CSMD1: variants seen among roughly 807,000 people sequenced by gnomAD.
CSMD1 encodes CUB and sushi domain-containing protein 1.
CSMD1 carries 213 observed loss-of-function variants against 417.5 expected under a neutral mutation model. That is an observed-to-expected ratio of 0.51 (90% confidence interval 0.46 to 0.57). The LOEUF is 0.57. CSMD1 is among the 20% of genes least tolerant of loss of function. The pLI is 0.00. For missense variants in CSMD1, 6,923 were observed against 4,529.7 expected (o/e 1.53, Z -15.17); for synonymous variants, 2,862 against 1,736.8 (o/e 1.65, Z -16.11).
Position 3,795,947 on chromosome 8 carries a change from C to A in CSMD1, c.819-41905G>T, listed in dbSNP as rs1177229428. Among the ~76,000 whole-genome samples, 19 of 41,776 alleles carry A rather than the reference C, an allele frequency of 4.5e-4. 3 individuals carry two copies. The highest frequency in any genetic ancestry group is 1.7e-3 in the African/African-American group (15 of 8,926). 27.4% of individuals were successfully genotyped at this position (41,776 alleles called of 152,430 possible). Reference sequence around the variant, plus strand: ...ATCTATCATGTACAGATATAGATATCTATCATGTACAGATATAGATATCTA... The same window carrying A: ...ATCTATCATGTACAGATATAGATATATATCATGTACAGATATAGATATCTA... On this transcript the variant is annotated intron_variant, in intron 5 of 69. Coordinates refer to ENST00000635120, the MANE Select transcript of CSMD1 (RefSeq NM_033225.6).
At chr8:3,766,695 T>C (rs765783715) in intron 5 of CSMD1, among the ~76,000 whole-genome samples, 2 of 152,052 alleles carry the variant, frequency 1.3e-5, no homozygotes, top group Admixed American at 6.5e-5. Context: ...ATGGTAACAA[T>C]TTATTTTGGG....
intron 3 of CSMD1, among the ~76,000 whole-genome samples, chr8:4,033,144 A>AAAG (rs1797438657): frequency 1.3e-5 from 2 of 150,524 alleles, no homozygotes; most frequent in African/African-American, 4.9e-5. Context: ...AAAAAAAAAA[A>AAAG]AAAAAAAAAA....
chr8:3,242,766 G>A (rs76763882), intron 26 of CSMD1, among the ~76,000 whole-genome samples: 4 of 151,694 alleles, frequency 2.6e-5, no homozygotes, highest in South Asian at 2.1e-4. Flanking sequence ...GAAGGGGTTC[G>A]GGGTTTCTTA....
At chr8:4,483,152 T>A (rs771415623) in intron 2 of CSMD1, among the ~76,000 whole-genome samples, 2 of 152,130 alleles carry the variant, frequency 1.3e-5, no homozygotes, top group African/African-American at 4.8e-5. Flanking sequence ...TGAGATCCGA[T>A]GGTTTGATAA....
At chr8:3,992,393 C>G (rs1378385611) in intron 5 of CSMD1, among the ~76,000 whole-genome samples, 1 of 152,098 alleles carries the variant, frequency 6.6e-6, no homozygotes, top group Non-Finnish European at 1.5e-5. Flanking sequence ...TTAAATCAAT[C>G]TAATCAGTGA....
chr8:3,787,285 T>A (rs570840096), intron 5 of CSMD1, among the ~76,000 whole-genome samples: 8 of 152,212 alleles, frequency 5.3e-5, no homozygotes, highest in African/African-American at 1.9e-4. Context: ...CCATAATCAA[T>A]TTTAGAAAAT....
chr8:4,224,923 C>G lies in CSMD1; in HGVS notation c.416-192824G>C, dbSNP rs528258467. On this transcript the variant is annotated intron_variant, in intron 3 of 69. Transcript: ENST00000635120. The stretch of plus-strand genomic sequence containing the variant: ...TCAGGAGTCCAAAGGCCAGCCTTCC[C>G]AATATTGTGAAACCCCATCACTAAT... 1.3e-3 allele frequency among the ~76,000 whole-genome samples: 201 copies of G among 152,044 alleles called. 2 individuals carry two copies. The highest frequency in any genetic ancestry group is 4.6e-3 in the African/African-American group (192 of 41,462).
At chr8:4,446,538 C>A (rs191181895) in intron 2 of CSMD1, among the ~76,000 whole-genome samples, 7 of 152,084 alleles carry the variant, frequency 4.6e-5, no homozygotes, top group Admixed American at 3.3e-4. Flanking sequence ...CAGAATGAGA[C>A]CCCGGTTCTG....
At chr8:4,027,730 T>C (rs1011953116) in intron 4 of CSMD1, among the ~76,000 whole-genome samples, 5 of 152,112 alleles carry the variant, frequency 3.3e-5, no homozygotes, top group Admixed American at 2.6e-4. Flanking sequence ...TTGAACAAAC[T>C]TGAAGCCAGT....
intron 10 of CSMD1, among the ~76,000 whole-genome samples, chr8:3,502,931 C>G (rs1796668008): frequency 6.6e-6 from 1 of 152,098 alleles, no homozygotes; most frequent in Non-Finnish European, 1.5e-5. Context: ...ATGTAACAAA[C>G]ACACCATGCT....
chr8:4,889,485 C>T (rs1180426717), intron 1 of CSMD1, among the ~76,000 whole-genome samples: 1 of 151,922 alleles, frequency 6.6e-6, no homozygotes, highest in East Asian at 1.9e-4. Context: ...ACATTATTTT[C>T]CTTGCTTATA....
chr8:3,615,439 C>T (rs1325950102), intron 8 of CSMD1, among the ~76,000 whole-genome samples: 13 of 152,166 alleles, frequency 8.5e-5, no homozygotes, highest in Admixed American at 8.5e-4. Context: ...AATTTCATCT[C>T]AAGCTCTGCC....
chr8:4,744,238 C>G (rs1299204303), intron 1 of CSMD1, among the ~76,000 whole-genome samples: 1 of 152,194 alleles, frequency 6.6e-6, no homozygotes, highest in Non-Finnish European at 1.5e-5. Flanking sequence ...AGGCAAGTCC[C>G]CACTTGGAAA....
intron 1 of CSMD1, among the ~76,000 whole-genome samples, chr8:4,954,367 A>G (rs930364588): frequency 6.6e-6 from 1 of 152,124 alleles, no homozygotes. Context: ...CTAAAGACAC[A>G]TTTTTTGTGT....
intron 8 of CSMD1, among the ~76,000 whole-genome samples, chr8:3,603,327 T>C (rs891727202): frequency 6.6e-6 from 1 of 152,084 alleles, no homozygotes; most frequent in South Asian, 2.1e-4. Context: ...TTCCTTAAAA[T>C]TTTTTTTAAG....
At chr8:4,771,073 T>C (rs1563342413) in intron 1 of CSMD1, among the ~76,000 whole-genome samples, 2 of 152,236 alleles carry the variant, frequency 1.3e-5, no homozygotes, top group Admixed American at 6.5e-5. Flanking sequence ...AAGGAGTTAA[T>C]ATTCAAGATT....
At chr8:4,060,663 T>C (rs552861291) in intron 3 of CSMD1, among the ~76,000 whole-genome samples, 10 of 152,254 alleles carry the variant, frequency 6.6e-5, no homozygotes, top group Admixed American at 2.0e-4. Context: ...AAGCGGCACC[T>C]GGCATGAACA....
intron 5 of CSMD1, among the ~76,000 whole-genome samples, chr8:3,767,445 C>G (rs1798339712): frequency 6.6e-6 from 1 of 152,220 alleles, no homozygotes; most frequent in Admixed American, 6.5e-5. Context: ...ATATGTGCTA[C>G]TGCAGACTGC....
At chr8:4,907,428 A>T (rs1805363004) in intron 1 of CSMD1, among the ~76,000 whole-genome samples, 2 of 152,252 alleles carry the variant, frequency 1.3e-5, no homozygotes, top group South Asian at 4.1e-4. Flanking sequence ...CATTGGGCAA[A>T]ATACATAAAT....
Sources: allele counts gnomAD v4.1 joint callset (sites outside exome capture counted in the v4.1 genomes callset), GRCh38; gene constraint gnomAD v4.1.1; transcripts MANE v1.5; gene names NCBI Gene and HGNC (gene_info 2026-07-23, HGNC 2026-07-21).